EIF4G2: variants seen among roughly 807,000 people sequenced by gnomAD.
The protein encoded by EIF4G2 is eukaryotic translation initiation factor 4 gamma 2, also known as DAP-5.
A neutral mutation model predicts 117.7 loss-of-function variants in EIF4G2; 8 were observed. The observed-to-expected ratio is 0.07, with a 90% CI of 0.04 to 0.12. The LOEUF is 0.12. EIF4G2 is among the 10% of genes least tolerant of loss of function. The pLI, the probability that EIF4G2 is intolerant of heterozygous loss-of-function variation, is 1.00. For synonymous variants in EIF4G2, 413 were observed against 367.8 expected (o/e 1.12, Z -1.41); for missense variants, 812 against 1,086.2 (o/e 0.75, Z 3.55).
At chr11:10,804,546 A>G in intron 5 of EIF4G2, 128 bp from the exon 6 acceptor site, 2 of 1,169,666 alleles carry the variant, frequency 1.7e-6, no homozygotes, top group Non-Finnish European at 2.3e-6. Flanking sequence ...TACAGATTTC[A>G]TCTAGTCACA....
Position 10,803,763 on chromosome 11 carries a change from G to A in EIF4G2, c.702+136C>T, listed in dbSNP as rs555816373. 40 of 1,236,112 alleles carry A rather than the reference G, an allele frequency of 3.2e-5. 1 individual carries two copies. Among genetic ancestry groups the A allele is most frequent in the South Asian group, 3.1e-4 (22 of 70,282 alleles). The allele number at this position is 1,236,112 out of a possible 1,614,324, so 76.6% of individuals were successfully genotyped here. On this transcript the variant is annotated intron_variant, in intron 8 of 21. Coordinates refer to ENST00000339995, the MANE Select transcript of EIF4G2 (RefSeq NM_001418.4). This position sits in a 1 kb window ranked among gnomAD's most constrained non-coding sequence, Gnocchi z 4.0. ...AACTCTACTTTGTCAAACACACCAC[G>A]TATTTCAAATTATTCTGTTTAGTAA... is the stretch of plus-strand genomic sequence containing the variant.
In EIF4G2 at chr11:10,807,974, AC is replaced by A. The variant is rs928303949; in HGVS notation, c.-86-594del. 4.5e-5 allele frequency: 46 copies of A among 1,031,196 alleles called. No homozygotes were observed. The African/African-American group carries it at 7.3e-4, about 16-fold the overall frequency. The allele number at this position is 1,031,196 out of a possible 1,614,324, so 63.9% of individuals were successfully genotyped here. Reference sequence around the variant, plus strand: ...AACAAAAGAGCGGAGCATTCCTCCCACCCAGGCGCAAGTTAGGGAAGTGCTT... The same window carrying A: ...AACAAAAGAGCGGAGCATTCCTCCCACCAGGCGCAAGTTAGGGAAGTGCTT... On this transcript the variant is annotated intron_variant, in intron 1 of 21. Transcript: ENST00000339995.
At chr11:10,808,559 A>C in intron 1 of EIF4G2, 146 bp downstream of exon 1, 1 of 1,065,910 alleles carries the variant, frequency 9.4e-7, no homozygotes, top group Non-Finnish European at 1.2e-6. Context: ...CTTTCCAGGT[A>C]TCTGAAGCGC....
At chr11:10,804,748 C>T (rs1847513778) in intron 5 of EIF4G2, 165 bp downstream of exon 5, 2 of 640,130 alleles carry the variant, frequency 3.1e-6, no homozygotes, top group Admixed American at 2.9e-5. Flanking sequence ...TCTAATGCTA[C>T]TAAAGTCAGT....
At chr11:10,808,563 G>A (rs1214724836) in intron 1 of EIF4G2, 142 bp downstream of exon 1, 2 of 1,018,180 alleles carry the variant, frequency 2.0e-6, no homozygotes, top group African/African-American at 1.8e-5. Flanking sequence ...CCAGGTATCT[G>A]AAGCGCAGAG....
chr11:10,806,608 G>GA (rs1046831956), intron 3 of EIF4G2: 7 of 530,912 alleles, frequency 1.3e-5, no homozygotes, highest in African/African-American at 5.7e-5. Context: ...AAAGAATAAG[G>GA]AAAAAAATAA....
chr11:10,804,270 C>T lies in EIF4G2; in HGVS notation c.483+17G>A. The T allele has an allele frequency of 6.2e-7, 1 of 1,612,744 alleles. No individual in the cohort carries two copies. Among genetic ancestry groups the T allele is most frequent in the African/African-American group, 1.3e-5 (1 of 74,918 alleles). On this transcript the variant is annotated intron_variant, in intron 6 of 21. Coordinates refer to ENST00000339995, the MANE Select transcript of EIF4G2 (RefSeq NM_001418.4). Reference sequence around the variant, plus strand: ...TCAAGTCAACTTTAAAACAAGCAAACAAAAACTACCACTTACGGTGCTTTG... The same window carrying T: ...TCAAGTCAACTTTAAAACAAGCAAATAAAAACTACCACTTACGGTGCTTTG...
Position 10,807,050 on chromosome 11 carries a change from T to C in EIF4G2, c.42-165A>G, listed in dbSNP as rs912924165. 3 of 1,120,818 alleles carry C rather than the reference T, an allele frequency of 2.7e-6. 1 individual carries two copies. Among genetic ancestry groups the C allele is most frequent in the Non-Finnish European group, 1.3e-6 (1 of 789,660 alleles). 69.4% of individuals were successfully genotyped at this position (1,120,818 alleles called of 1,614,324 possible). A position where few individuals can be genotyped will look rare whatever the true frequency, so the allele number is the denominator to read the frequency against. On this transcript the variant is annotated intron_variant, in intron 2 of 21. Coordinates refer to ENST00000339995, the MANE Select transcript of EIF4G2 (RefSeq NM_001418.4). ...TAGTGCTTGTATATTATGCTACAAA[T>C]GAAGACTGAACTCGGACCCAAAGGA...
intron 1 of EIF4G2, chr11:10,807,763 T>G: frequency 1.0e-6 from 1 of 991,224 alleles, no homozygotes; most frequent in Non-Finnish European, 1.2e-6. Flanking sequence ...GGCCAGCGAC[T>G]AGATGAGGTC....
In EIF4G2 at chr11:10,803,605, G is replaced by C. The variant is rs776894235; in HGVS notation, c.703-15C>G. ...TTTTCCAAAAGCTACAAGAATAAAA[G>C]GCCATGGTGACAAAGTTTTAGTTAC... is the stretch of plus-strand genomic sequence containing the variant. On this transcript the variant is annotated splice_polypyrimidine_tract_variant and intron_variant, in intron 8 of 21. Transcript: ENST00000339995. This position sits in a 1 kb window ranked among gnomAD's most constrained non-coding sequence, Gnocchi z 4.0. 264 of 1,604,978 alleles carry C rather than the reference G, an allele frequency of 1.6e-4. No homozygotes were observed. The highest frequency in any genetic ancestry group is 2.2e-4 in the Non-Finnish European group (254 of 1,173,488).
chr11:10,808,395 C>T (rs1847657493), intron 1 of EIF4G2: 5 of 1,250,926 alleles, frequency 4.0e-6, no homozygotes, highest in Non-Finnish European at 4.1e-6. Context: ...CCGAGCCACG[C>T]TCCCTCGCCG....
At chr11:10,804,760 G>C (rs189908370) in intron 5 of EIF4G2, 153 bp downstream of exon 5, 3 of 655,538 alleles carry the variant, frequency 4.6e-6, no homozygotes, top group Non-Finnish European at 7.9e-6. Flanking sequence ...AAAGTCAGTG[G>C]TTCTTTTTAA....
At chr11:10,799,188 G>T (rs762844503) in intron 20 of EIF4G2, 25 bp downstream of exon 20, 24 of 1,612,464 alleles carry the variant, frequency 1.5e-5, no homozygotes, top group South Asian at 2.2e-5. Context: ...TCCTCACGCC[G>T]TTCTTCTGAT....
intron 4 of EIF4G2, among the ~76,000 whole-genome samples, chr11:10,805,413 G>T (rs549970827): frequency 6.6e-6 from 1 of 152,098 alleles, no homozygotes; most frequent in Admixed American, 6.5e-5. Flanking sequence ...TGAAAGCAAC[G>T]GGAAGCCCCA....
In EIF4G2 at chr11:10,797,633, G is replaced by A; in HGVS notation, c.*183C>T. The A allele has an allele frequency of 1.6e-6, 1 of 618,940 alleles. No homozygotes were observed. Among genetic ancestry groups the A allele is most frequent in the South Asian group, 2.0e-5 (1 of 49,460 alleles). The allele number at this position is 618,940 out of a possible 1,614,324, so 38.3% of individuals were successfully genotyped here. A position where few individuals can be genotyped will look rare whatever the true frequency, so the allele number is the denominator to read the frequency against. The stretch of plus-strand genomic sequence containing the variant: ...GATACTCCTAAAATATTTGATGGTA[G>A]ACTATGATTAAGACATTACACTACA... On this transcript the variant is annotated 3_prime_UTR_variant, in exon 22 of 22. Coordinates refer to ENST00000339995, the MANE Select transcript of EIF4G2 (RefSeq NM_001418.4). This position sits in a 1 kb window ranked among gnomAD's most constrained non-coding sequence, Gnocchi z 4.5.
chr11:10,798,781 T>C (rs780458043), intron 21 of EIF4G2: 13 of 525,676 alleles, frequency 2.5e-5, no homozygotes, highest in Non-Finnish European at 4.2e-5. Context: ...AAAAGTTAGC[T>C]ACCTCTAACA....
intron 3 of EIF4G2, 112 bp downstream of exon 3, chr11:10,806,708 C>T (rs1847581899): frequency 2.0e-5 from 24 of 1,179,134 alleles, no homozygotes; most frequent in East Asian, 2.4e-5. Context: ...ACAGAAACCA[C>T]GCCCCTTAAG....
Position 10,804,899 on chromosome 11 carries a change from T to C in EIF4G2, c.351+14A>G. 6.2e-7 allele frequency: 1 copy of C among 1,600,650 alleles called. No homozygotes were observed. The highest frequency in any genetic ancestry group is 8.6e-7 in the Non-Finnish European group (1 of 1,168,476). ...CCCTCTCCCTTTTGAGTTAAGCCAATATTTAAAACTTACCAGCAGTATGAC... is the reference window on the plus strand; with the variant it reads ...CCCTCTCCCTTTTGAGTTAAGCCAACATTTAAAACTTACCAGCAGTATGAC... On this transcript the variant is annotated intron_variant, in intron 5 of 21. Coordinates refer to ENST00000339995, the MANE Select transcript of EIF4G2 (RefSeq NM_001418.4).
Position 10,799,185 on chromosome 11 carries a change from G to A in EIF4G2, c.2536+28C>T, listed in dbSNP as rs375351627. Reference sequence around the variant, plus strand: ...GTGTTCTGTTTAAGAACTTCCTCACGCCGTTCTTCTGATACAAGTCCTCTC... The same window carrying A: ...GTGTTCTGTTTAAGAACTTCCTCACACCGTTCTTCTGATACAAGTCCTCTC... On this transcript the variant is annotated intron_variant, in intron 20 of 21. Coordinates refer to ENST00000339995, the MANE Select transcript of EIF4G2 (RefSeq NM_001418.4). 2.9e-5 allele frequency: 47 copies of A among 1,611,604 alleles called. No homozygotes were observed. In the Admixed American group the frequency reaches 3.2e-4, roughly 11 times the overall value.
Sources: gnomAD v4.1 joint callset for allele counts (sites outside exome capture counted in the v4.1 genomes callset) on GRCh38, gnomAD v4.1.1 for gene constraint, Gnocchi (gnomAD v3.1) non-coding constraint, MANE v1.5 for transcripts, NCBI Gene and HGNC (gene_info 2026-07-23, HGNC 2026-07-21) for gene names.